Variants in EML1 observed in about 807,000 individuals in gnomAD.
EML1 encodes EMAP like 1.
EML1 carries 27 observed loss-of-function variants against 110.4 expected under a neutral mutation model. That is an observed-to-expected ratio of 0.24 (90% CI 0.18 to 0.34). The LOEUF (loss-of-function observed/expected upper bound fraction) is 0.34. EML1 is among the 10% of genes least tolerant of loss of function. The pLI, the probability that EML1 is intolerant of heterozygous loss-of-function variation, is 1.00. For synonymous variants in EML1, 344 were observed against 385.8 expected, an observed-to-expected ratio of 0.89 and a Z score of 1.27; for missense variants, 741 against 1,030.9, an observed-to-expected ratio of 0.72 and a Z score of 3.85.
intron 12 of EML1, among the ~76,000 whole-genome samples, chr14:99,910,754 A>G (rs890375158): frequency 2.0e-5 from 3 of 152,090 alleles, no homozygotes; most frequent in African/African-American, 4.8e-5. Flanking sequence ...TGAACATACA[A>G]CTGAGTCAGA....
chr14:99,890,391 G>A (rs556961462), intron 4 of EML1, among the ~76,000 whole-genome samples: 4 of 152,314 alleles, frequency 2.6e-5, no homozygotes, highest in East Asian at 1.9e-4. Context: ...GAATGGAGAC[G>A]GTGCCATCTC....
chr14:99,798,946 A>G (rs2057826358), intron 1 of EML1, among the ~76,000 whole-genome samples: 1 of 152,180 alleles, frequency 6.6e-6, no homozygotes, highest in Non-Finnish European at 1.5e-5. Flanking sequence ...AAGATATTTC[A>G]GCATTATAGT....
rs112787620 is a variant in EML1, at chr14:99,759,532, T to C, written c.28+21672T>C. Among the ~76,000 whole-genome samples, 65 of 152,332 alleles carry C rather than the reference T, an allele frequency of 4.3e-4. No individual in the cohort carries two copies. The Middle Eastern group carries it at 0.02, about 48-fold the overall frequency. ...GTGACTGTCAGCACCTTTCCTGCTA[T>C]CAACAGCCATATGTGTGAGCACTTC... On this transcript the variant is annotated intron_variant, in intron 1 of 10. Transcript: ENST00000554479.
chr14:99,850,444 C>T, intron 1 of EML1: 1 of 866,758 alleles, frequency 1.2e-6, no homozygotes, highest in Non-Finnish European at 1.6e-6. Flanking sequence ...TATGACCTAC[C>T]TGTCAGTTAA....
intron 9 of EML1, 24 bp from the exon 10 acceptor site, chr14:99,907,614 T>C (rs1474188759): frequency 6.3e-7 from 1 of 1,597,960 alleles, no homozygotes; most frequent in African/African-American, 1.3e-5. Flanking sequence ...GATATAGTCT[T>C]CCTGTGAATA....
intron 17 of EML1, among the ~76,000 whole-genome samples, chr14:99,924,938 T>G (rs2060206721): frequency 6.6e-6 from 1 of 152,234 alleles, no homozygotes; most frequent in South Asian, 2.1e-4. Flanking sequence ...TAAATTCCCC[T>G]TAATCATGGT....
At chr14:99,758,923 CTT>C (rs1464356809) in intron 1 of EML1, among the ~76,000 whole-genome samples, 1 of 152,250 alleles carries the variant, frequency 6.6e-6, no homozygotes, top group Non-Finnish European at 1.5e-5. Flanking sequence ...TTAGCTGTGA[CTT>C]TGCTGATGGC....
intron 17 of EML1, among the ~76,000 whole-genome samples, chr14:99,924,834 GATT>G (rs2060204499): frequency 6.6e-6 from 1 of 152,114 alleles, no homozygotes; most frequent in Non-Finnish European, 1.5e-5. Context: ...CATCTGTTGG[GATT>G]ATTATGTGGG....
intron 1 of EML1, among the ~76,000 whole-genome samples, chr14:99,816,457 C>G (rs186071529): frequency 2.0e-5 from 3 of 152,218 alleles, no homozygotes; most frequent in African/African-American, 7.2e-5. Context: ...GCCACCGCAC[C>G]CAGCCCATGT....
intron 13 of EML1, among the ~76,000 whole-genome samples, chr14:99,912,249 TG>T (rs1241158921): frequency 6.6e-6 from 1 of 152,216 alleles, no homozygotes; most frequent in Non-Finnish European, 1.5e-5. Context: ...TAGTATTTGT[TG>T]AGTATCTACT....
chr14:99,815,959 A>C lies in EML1; in HGVS notation c.67+22416A>C, dbSNP rs143184459. 2.6e-3 allele frequency among the ~76,000 whole-genome samples: 396 copies of C among 152,316 alleles called. 2 individuals are homozygous for C. The highest frequency in any genetic ancestry group is 8.7e-3 in the African/African-American group (361 of 41,556). ...AGAATGTGGAGATTCTTGTGAAGCA[A>C]GCACTTCAGTTACGGCAGCTGCTGT... On this transcript the variant is annotated intron_variant, in intron 1 of 21. Coordinates refer to ENST00000262233, the MANE Select transcript of EML1 (RefSeq NM_004434.3).
At chr14:99,917,901 C>T in intron 16 of EML1, 52 bp downstream of exon 16, 1 of 1,573,658 alleles carries the variant, frequency 6.4e-7, no homozygotes, top group Non-Finnish European at 8.7e-7. Flanking sequence ...GAAAAGAGGC[C>T]TGTTGTTTCT....
chr14:99,764,319 T>C (rs1042400440), intron 1 of EML1, among the ~76,000 whole-genome samples: 26 of 152,192 alleles, frequency 1.7e-4, no homozygotes, highest in African/African-American at 6.3e-4. Flanking sequence ...ATGAGGGAAG[T>C]GCGGCTCAGA....
chr14:99,772,071 T>G (rs1233372787), upstream of EML1, among the ~76,000 whole-genome samples: 1 of 152,244 alleles, frequency 6.6e-6, no homozygotes, highest in Non-Finnish European at 1.5e-5. Flanking sequence ...TGGCTCTTTG[T>G]GAGTGGAGTG....
Position 99,939,285 on chromosome 14 carries a change from T to G in EML1, c.2280T>G (p.Phe760Leu). The G allele has an allele frequency of 1.2e-6, 2 of 1,614,218 alleles. No homozygotes were observed. The highest frequency in any genetic ancestry group is 4.5e-5 in the East Asian group (2 of 44,882). ...AACTCCTGTCAACAGGCGACGACTT[T>G]GGCAAAGTGCACCTCTTCTCATACC... ...EKKLLSTGDD[F>L]GKVHLFSYPC... Residue 760 changes from phenylalanine to leucine, a missense_variant, in exon 21 of 22, where the codon TTT (phenylalanine) becomes TTG (leucine). Transcript: ENST00000262233. This position sits in a 1 kb window ranked among gnomAD's most constrained non-coding sequence, Gnocchi z 4.2.
intron 3 of EML1, among the ~76,000 whole-genome samples, chr14:99,873,152 A>T (rs1320169380): frequency 6.6e-6 from 1 of 152,228 alleles, no homozygotes; most frequent in Non-Finnish European, 1.5e-5. Context: ...TGGTTCAAGA[A>T]AGAGACAATC....
chr14:99,744,581 T>C (rs2057083034), intron 1 of EML1, among the ~76,000 whole-genome samples: 1 of 152,248 alleles, frequency 6.6e-6, no homozygotes, highest in African/African-American at 2.4e-5. Flanking sequence ...GTAATCCATT[T>C]TAATTATGAA....
At chr14:99,808,593 T>G (rs891688365) in intron 1 of EML1, among the ~76,000 whole-genome samples, 2 of 152,202 alleles carry the variant, frequency 1.3e-5, no homozygotes, top group Non-Finnish European at 2.9e-5. Flanking sequence ...TTTTCTATTT[T>G]TGTTCAAAAT....
At chr14:99,795,305 CTGG>C (rs1566867904) in intron 1 of EML1, among the ~76,000 whole-genome samples, 1 of 152,206 alleles carries the variant, frequency 6.6e-6, no homozygotes, top group African/African-American at 2.4e-5. Context: ...TGGTATTTTA[CTGG>C]TGGTGATGTC....
Sources: gnomAD v4.1 joint callset for allele counts (sites outside exome capture counted in the v4.1 genomes callset) on GRCh38, gnomAD v4.1.1 for gene constraint, Gnocchi (gnomAD v3.1) non-coding constraint, MANE v1.5 for transcripts, NCBI Gene and HGNC (gene_info 2026-07-23, HGNC 2026-07-21) for gene names.